The following CUX2 variants were observed in gnomAD, a reference collection of about 807,000 sequenced individuals.
The protein encoded by CUX2 is cut like homeobox 2.
Under a neutral mutation model 144.8 loss-of-function variants are expected in CUX2, and 40 were observed. The observed-to-expected ratio is 0.28, with a 90% CI of 0.21 to 0.36. The LOEUF is 0.36. Ranked by LOEUF, CUX2 falls within the 10% of genes least tolerant of loss-of-function variation. The pLI, the probability that CUX2 is intolerant of heterozygous loss-of-function variation, is 1.00. For synonymous variants in CUX2, 827 were observed against 875.6 expected (o/e 0.94, Z 0.98); for missense variants, 1,615 against 1,994.0 (o/e 0.81, Z 3.62).
chr12:111,122,009 TC>T (rs1220408473), intron 1 of CUX2, among the ~76,000 whole-genome samples: 1 of 152,150 alleles, frequency 6.6e-6, no homozygotes, highest in Non-Finnish European at 1.5e-5. Flanking sequence ...CCATCCTCCA[TC>T]CCTCATGCAG....
At chr12:111,272,727 G>C (rs1370179917) in intron 4 of CUX2, among the ~76,000 whole-genome samples, 7 of 152,152 alleles carry the variant, frequency 4.6e-5, no homozygotes, top group Non-Finnish European at 4.4e-5. Context: ...GCCTCCCAAA[G>C]TGTTGGGATT....
At chr12:111,227,521 T>A (rs1882215355) in intron 3 of CUX2, among the ~76,000 whole-genome samples, 1 of 152,132 alleles carries the variant, frequency 6.6e-6, no homozygotes, top group Non-Finnish European at 1.5e-5. Flanking sequence ...CTCTGGACAC[T>A]CTCTCTGTTC....
intron 18 of CUX2, among the ~76,000 whole-genome samples, chr12:111,323,657 T>C (rs747744712): frequency 1.1e-4 from 17 of 151,630 alleles, no homozygotes; most frequent in Non-Finnish European, 1.8e-4. Context: ...GTTGGAATGG[T>C]ACGTACCTGT....
intron 4 of CUX2, among the ~76,000 whole-genome samples, chr12:111,278,118 G>A (rs1884965629): frequency 6.6e-6 from 1 of 152,122 alleles, no homozygotes; most frequent in Non-Finnish European, 1.5e-5. Flanking sequence ...CCTGTTCCAT[G>A]TAACATAACA....
At chr12:111,319,730 T>TCAAAA (rs112908044) in intron 16 of CUX2, among the ~76,000 whole-genome samples, 5,385 of 152,254 alleles carry the variant, frequency 0.035, 139 homozygotes, top group African/African-American at 0.064. Context: ...AGACTCCATC[T>TCAAAA]CAAAACAAAA....
chr12:111,242,674 C>T lies in CUX2; in HGVS notation c.223-21087C>T, dbSNP rs534984332. 5.9e-5 allele frequency among the ~76,000 whole-genome samples: 9 copies of T among 152,178 alleles called. No individual in the cohort carries two copies. The South Asian group carries it at 1.2e-3, about 21-fold the overall frequency. ...ACTAAAAATACAAAAATTAGCCAGG[C>T]GTGGTGGTGCATGCCTGTAATCCCA... On this transcript the variant is annotated intron_variant, in intron 3 of 21. Coordinates refer to ENST00000261726, the MANE Select transcript of CUX2 (RefSeq NM_015267.4).
At chr12:111,335,187 T>C (rs1174055474) in intron 19 of CUX2, among the ~76,000 whole-genome samples, 2 of 152,100 alleles carry the variant, frequency 1.3e-5, no homozygotes, top group African/African-American at 4.8e-5. Context: ...GGTCAGCAGT[T>C]CGAGACCAGC....
intron 1 of CUX2, among the ~76,000 whole-genome samples, chr12:111,207,929 T>C (rs568418173): frequency 1.1e-4 from 16 of 152,094 alleles, no homozygotes; most frequent in African/African-American, 3.9e-4. Context: ...AAAGACAGAA[T>C]GAGTTCATCT....
intron 1 of CUX2, among the ~76,000 whole-genome samples, chr12:111,174,180 T>G (rs1307620422): frequency 6.6e-6 from 1 of 152,166 alleles, no homozygotes; most frequent in East Asian, 1.9e-4. Context: ...AGTTTACATC[T>G]TGAAATGCCC....
Position 111,334,428 on chromosome 12 carries a change from CTG to C in CUX2, c.2927-10_2927-9del. 2 of 1,564,762 alleles carry C rather than the reference CTG, an allele frequency of 1.3e-6. No individual in the cohort carries two copies. The highest frequency in any genetic ancestry group is 1.7e-6 in the Non-Finnish European group (2 of 1,157,140). On this transcript the variant is annotated splice_polypyrimidine_tract_variant and intron_variant, in intron 18 of 21. Transcript: ENST00000261726. ...ATTATAGTAACCACCTTCTCTTTCT[CTG>C]TGGCCCACAGCCAGTCCCACAGAAC...
At chr12:111,110,042 ATTTTTT>A (rs397850906) in intron 1 of CUX2, among the ~76,000 whole-genome samples, 1 of 134,238 alleles carries the variant, frequency 7.4e-6, no homozygotes, top group Non-Finnish European at 1.6e-5. Context: ...CACTCAACTA[ATTTTTT>A]TTTTTTTTTT....
At chr12:111,181,389 C>T (rs771638447) in intron 1 of CUX2, among the ~76,000 whole-genome samples, 2 of 152,194 alleles carry the variant, frequency 1.3e-5, no homozygotes, top group South Asian at 2.1e-4. Flanking sequence ...TTGGAGGCGC[C>T]GGTAATAATG....
intron 1 of CUX2, among the ~76,000 whole-genome samples, chr12:111,104,900 T>G (rs1206495468): frequency 1.3e-5 from 2 of 152,094 alleles, no homozygotes; most frequent in Non-Finnish European, 2.9e-5. Flanking sequence ...TGTGGATGCT[T>G]CTTTTGAAGA....
Position 111,341,852 on chromosome 12 carries a change from G to A in CUX2, c.3458G>A (p.Cys1153Tyr), listed in dbSNP as rs1311263222. The A allele has an allele frequency of 6.2e-7, 1 of 1,613,690 alleles. No homozygotes were observed. The change falls in exon 21 of 22, where the codon TGC becomes TAC. Residue 1153 changes from cysteine to tyrosine, a missense_variant. Cys to Tyr is a radical substitution (Grantham distance 194). This residue lies in a region of CUX2 where 131 missense variants were observed against 223.1 expected (regional missense o/e 0.59). Coordinates refer to ENST00000261726, the MANE Select transcript of CUX2 (RefSeq NM_015267.4). ...GAGTCCCCGGCCACCCGCTCAGAGT[G>A]CCCCAGCCCCTGCCTGCAGCCCCAG... Reference protein sequence around the residue: ...DSESPATRSECPSPCLQPQDL... With the variant: ...DSESPATRSEYPSPCLQPQDL...
chr12:111,049,213 G>A (rs899600096), intron 1 of CUX2, among the ~76,000 whole-genome samples: 3 of 149,866 alleles, frequency 2.0e-5, no homozygotes, highest in South Asian at 2.1e-4. Context: ...ATCCATCCAC[G>A]AATTCATCCA....
At chr12:111,292,989 G>T (rs542859480) in intron 5 of CUX2, among the ~76,000 whole-genome samples, 1 of 152,224 alleles carries the variant, frequency 6.6e-6, no homozygotes, top group South Asian at 2.1e-4. Context: ...CAAGCATGGT[G>T]GCAGGCACCT....
chr12:111,320,580 G>C lies in CUX2; in HGVS notation c.2571G>C (p.Ala857=). ...PRTGELKAEG[A]TAEAGARLPY... is the part of the protein sequence containing the mutation. ...CGGGCGAGCTCAAGGCTGAGGGCGC[G>C]ACGGCCGAGGCGGGCGCGCGGCTGC... Residue 857 remains alanine, a synonymous_variant, in exon 17 of 22, where the codon GCG becomes GCC. Coordinates refer to ENST00000261726, the MANE Select transcript of CUX2 (RefSeq NM_015267.4). This position sits in a 1 kb window ranked among gnomAD's most constrained non-coding sequence, Gnocchi z 8.1. 1 of 1,532,706 alleles carries C rather than the reference G, an allele frequency of 6.5e-7. No individual in the cohort carries two copies. Among genetic ancestry groups the C allele is most frequent in the Non-Finnish European group, 8.7e-7 (1 of 1,148,260 alleles). The allele number at this position is 1,532,706 out of a possible 1,614,324, so 94.9% of individuals were successfully genotyped here.
At chr12:111,116,843 G>A (rs1404414707) in intron 1 of CUX2, among the ~76,000 whole-genome samples, 2 of 152,198 alleles carry the variant, frequency 1.3e-5, no homozygotes, top group African/African-American at 2.4e-5. Context: ...AATAGCTTAT[G>A]TTTCTATGGT....
intron 3 of CUX2, among the ~76,000 whole-genome samples, chr12:111,235,477 C>CT (rs1882695010): frequency 6.6e-6 from 1 of 151,992 alleles, no homozygotes; most frequent in Non-Finnish European, 1.5e-5. Flanking sequence ...AATCCCAGCA[C>CT]TTTGGGAGGC....
Sources: gnomAD v4.1 joint callset for allele counts (sites outside exome capture counted in the v4.1 genomes callset) on GRCh38, gnomAD v4.1.1 for gene constraint, gnomAD v4.1.1 regional missense constraint, Gnocchi (gnomAD v3.1) non-coding constraint, MANE v1.5 for transcripts, NCBI Gene and HGNC (gene_info 2026-07-23, HGNC 2026-07-21) for gene names.